FAM199X: variants seen among roughly 807,000 people sequenced by gnomAD.
The protein encoded by FAM199X is protein FAM199X.
In FAM199X, 4 loss-of-function variants were observed where a neutral mutation model predicts 22.9. The observed-to-expected ratio is 0.17, with a 90% CI of 0.09 to 0.40. The LOEUF is 0.40. FAM199X is among the 10% of genes least tolerant of loss of function. FAM199X has a pLI of 1.00. For missense variants in FAM199X, 183 were observed against 306.8 expected, an observed-to-expected ratio of 0.60 and a Z score of 3.01; for synonymous variants, 101 against 112.3, an observed-to-expected ratio of 0.90 and a Z score of 0.64.
rs1556380877 is a variant in FAM199X at position 104,193,343 on chromosome X, T to C, written c.*3565T>C. On this transcript the variant is annotated 3_prime_UTR_variant, in exon 6 of 6. Transcript: ENST00000493442. ...TAAAGTATGGCTTAATGTATTTTTT[T>C]CCCTCTGAAAAAGATCATATGCCAG... 8.9e-6 allele frequency: 1 copy of C among 111,904 alleles called. No homozygotes were observed. The highest frequency in any genetic ancestry group is 1.9e-5 in the Non-Finnish European group (1 of 52,973). 9.2% of individuals were successfully genotyped at this position (111,904 alleles called of 1,213,427 possible).
chrX:104,172,139 C>T (rs60636552), intron 1 of FAM199X, among the ~76,000 whole-genome samples: 7,269 of 108,802 alleles, frequency 0.067, 648 homozygotes, highest in African/African-American at 0.23. Flanking sequence ...CATTGGTTCA[C>T]ACCTGTAATC....
chrX:104,191,289 T>C lies in FAM199X; in HGVS notation c.*1511T>C, dbSNP rs958771551. Reference sequence around the variant, plus strand: ...ATGTGTTTTAAAATTTTGATTTCATTTTCGTTCCTTGAAGGTTAAAGAATG... The same window carrying C: ...ATGTGTTTTAAAATTTTGATTTCATCTTCGTTCCTTGAAGGTTAAAGAATG... On this transcript the variant is annotated 3_prime_UTR_variant, in exon 6 of 6. Transcript: ENST00000493442. 8.9e-6 allele frequency: 1 copy of C among 112,102 alleles called. No homozygotes were observed. 9.2% of individuals were successfully genotyped at this position (112,102 alleles called of 1,213,427 possible).
chrX:104,163,865 A>G (rs1556373137), upstream of FAM199X, among the ~76,000 whole-genome samples: 1 of 109,676 alleles, frequency 9.1e-6, no homozygotes, highest in African/African-American at 3.3e-5. Flanking sequence ...ATGGTGTTAC[A>G]CCATATTGGC....
At chrX:104,173,788 G>A (rs1921418139) in intron 1 of FAM199X, among the ~76,000 whole-genome samples, 1 of 111,307 alleles carries the variant, frequency 9.0e-6, no homozygotes, top group African/African-American at 3.3e-5. Context: ...TAGATTTCAA[G>A]ACCAAAAAAA....
In FAM199X at chrX:104,166,870, G is replaced by C; in HGVS notation, c.85G>C (p.Gly29Arg). ...CTTCCCACTCCTGGGACCTCCTCGC[G>C]GGGTGGGCACCTGCCCGAGCGAGGA... ...EPFPLLGPPR[G>R]VGTCPSEEPG... Residue 29 changes from glycine (G) to arginine (R), a missense_variant, in exon 1 of 6, where the codon GGG (glycine) becomes CGG (arginine). Gly to Arg is a moderately radical substitution (Grantham distance 125). This residue lies in a region of FAM199X where 55 missense variants were observed against 60.6 expected (regional missense o/e 0.91). Coordinates refer to ENST00000493442, the MANE Select transcript of FAM199X (RefSeq NM_207318.4). 8.3e-7 allele frequency: 1 copy of C among 1,206,367 alleles called. No individual in the cohort carries two copies. The highest frequency in any genetic ancestry group is 1.1e-6 in the Non-Finnish European group (1 of 892,398).
At chrX:104,173,480 C>T (rs1394247006) in intron 1 of FAM199X, among the ~76,000 whole-genome samples, 4 of 110,475 alleles carry the variant, frequency 3.6e-5, no homozygotes, top group Admixed American at 2.9e-4. Context: ...TCAGGTTGTC[C>T]AAATTTTGTA....
rs782507584 is a variant in FAM199X, at chrX:104,166,870, G to A, written c.85G>A (p.Gly29Arg). 1.4e-5 allele frequency: 17 copies of A among 1,206,367 alleles called. No individual in the cohort carries two copies. The highest frequency in any genetic ancestry group is 1.7e-5 in the Non-Finnish European group (15 of 892,398). Residue 29 changes from glycine to arginine, a missense_variant, in exon 1 of 6, where the codon GGG becomes AGG. Gly to Arg is a moderately radical substitution (Grantham distance 125). Coordinates refer to ENST00000493442, the MANE Select transcript of FAM199X (RefSeq NM_207318.4). ...EPFPLLGPPR[G>R]VGTCPSEEPG... ...CTTCCCACTCCTGGGACCTCCTCGC[G>A]GGGTGGGCACCTGCCCGAGCGAGGA... is the stretch of plus-strand genomic sequence containing the variant.
Position 104,192,823 on chromosome X carries a change from G to T in FAM199X, c.*3045G>T, listed in dbSNP as rs781866307. The T allele has an allele frequency of 9.0e-6, 1 of 111,196 alleles. No homozygotes were observed. The highest frequency in any genetic ancestry group is 1.9e-5 in the Non-Finnish European group (1 of 52,827). 9.2% of individuals were successfully genotyped at this position (111,196 alleles called of 1,213,427 possible). On this transcript the variant is annotated 3_prime_UTR_variant, in exon 6 of 6. Transcript: ENST00000493442. Reference sequence around the variant, plus strand: ...CTCAGAAACTGACCTATAAAATAATGACTCATTATAGATTGGGTGAACTTC... The same window carrying T: ...CTCAGAAACTGACCTATAAAATAATTACTCATTATAGATTGGGTGAACTTC...
At chrX:104,168,710 C>G (rs782654956) in intron 1 of FAM199X, among the ~76,000 whole-genome samples, 2 of 110,438 alleles carry the variant, frequency 1.8e-5, no homozygotes, top group Admixed American at 1.9e-4. Flanking sequence ...ATGTTTCTTA[C>G]AACTTGTTCT....
rs782612367 is a variant in FAM199X at position 104,189,798 on chromosome X, G to T, written c.*20G>T. 4.6e-5 allele frequency: 55 copies of T among 1,200,423 alleles called. No homozygotes were observed. The highest frequency in any genetic ancestry group is 6.2e-5 in the Non-Finnish European group (55 of 890,013). On this transcript the variant is annotated 3_prime_UTR_variant, in exon 6 of 6. Coordinates refer to ENST00000493442, the MANE Select transcript of FAM199X (RefSeq NM_207318.4). The stretch of plus-strand genomic sequence containing the variant: ...ATGTAATAAGGGTGAATTTATCAAC[G>T]TTCTTTGTGAGCATTAAAATACTCC...
chrX:104,167,086 C>T lies in FAM199X; in HGVS notation c.197+104C>T, dbSNP rs1401063994. On this transcript the variant is annotated intron_variant, in intron 1 of 5. Transcript: ENST00000493442. The stretch of plus-strand genomic sequence containing the variant: ...CGCTTCCAGTCGCCCCCTCCCCCAC[C>T]TGCTTTCGACCAGCGCTCATTCCCG... 13 of 722,663 alleles carry T rather than the reference C, an allele frequency of 1.8e-5. No individual in the cohort carries two copies. In the African/African-American group the frequency reaches 2.3e-4, roughly 13 times the overall value. The allele number at this position is 722,663 out of a possible 1,213,427, so 59.6% of individuals were successfully genotyped here. A position where few individuals can be genotyped will look rare whatever the true frequency, so the allele number is the denominator to read the frequency against.
rs143145039 is a variant in FAM199X, at chrX:104,168,420, C to T, written c.197+1438C>T. 5.7e-3 allele frequency among the ~76,000 whole-genome samples: 637 copies of T among 112,408 alleles called. 10 individuals carry two copies. Among genetic ancestry groups the T allele is most frequent in the African/African-American group, 0.019 (595 of 30,929 alleles). ...GTTTCCTAGACCAACTCACAGAAGC[C>T]TATTTAACCCCTGATGTCACTGTAA... On this transcript the variant is annotated intron_variant, in intron 1 of 5. Coordinates refer to ENST00000493442, the MANE Select transcript of FAM199X (RefSeq NM_207318.4).
rs1229747737 is a variant in FAM199X at position 104,194,914 on chromosome X, A to G, written c.*5136A>G. 1.8e-5 allele frequency: 2 copies of G among 110,363 alleles called. No individual in the cohort carries two copies. Among genetic ancestry groups the G allele is most frequent in the Admixed American group, 2.0e-4 (2 of 10,201 alleles). The allele number at this position is 110,363 out of a possible 1,213,427, so 9.1% of individuals were successfully genotyped here. A position where few individuals can be genotyped will look rare whatever the true frequency, so the allele number is the denominator to read the frequency against. On this transcript the variant is annotated 3_prime_UTR_variant, in exon 6 of 6. Coordinates refer to ENST00000493442, the MANE Select transcript of FAM199X (RefSeq NM_207318.4). ...TTTTTCCTGTATTACTGCTAAATAT[A>G]TTACTATATTAATGCACTTTTGTAT... is the stretch of plus-strand genomic sequence containing the variant.
chrX:104,169,666 C>T (rs1403806174), intron 1 of FAM199X, among the ~76,000 whole-genome samples: 5 of 111,596 alleles, frequency 4.5e-5, no homozygotes, highest in African/African-American at 1.3e-4. Context: ...CTCCTGGGTT[C>T]GAGCGATTCT....
intron 3 of FAM199X, 26 bp from the exon 4 acceptor site, chrX:104,186,434 C>A (rs782725442): frequency 5.8e-6 from 7 of 1,197,136 alleles, no homozygotes; most frequent in Non-Finnish European, 7.9e-6. Flanking sequence ...TAGCAATGAT[C>A]TTATTGTAAT....
the FAM199X span, among the ~76,000 whole-genome samples, chrX:104,160,436 T>G: frequency 1.8e-5 from 2 of 112,871 alleles, no homozygotes; most frequent in Non-Finnish European, 3.7e-5. Flanking sequence ...TCACAATTAT[T>G]TTGTGATAGA....
chrX:104,182,895 A>G (rs782182743), intron 2 of FAM199X, among the ~76,000 whole-genome samples: 1 of 111,473 alleles, frequency 9.0e-6, no homozygotes, highest in African/African-American at 3.3e-5. Flanking sequence ...GATTGATGAT[A>G]TTGACCACAT....
the FAM199X span, among the ~76,000 whole-genome samples, chrX:104,159,066 T>C: frequency 8.9e-6 from 1 of 112,248 alleles, no homozygotes. Context: ...ATTTTCTCCA[T>C]TATTTCTAGC....
At chrX:104,184,820 G>A (rs916813569) in intron 2 of FAM199X, among the ~76,000 whole-genome samples, 3 of 109,194 alleles carry the variant, frequency 2.7e-5, no homozygotes, top group South Asian at 3.8e-4. Context: ...TTACTCTGTC[G>A]TCCAGGCTGG....
Sources: allele counts gnomAD v4.1 joint callset (sites outside exome capture counted in the v4.1 genomes callset), GRCh38; gene constraint gnomAD v4.1.1; regional missense constraint gnomAD v4.1.1; transcripts MANE v1.5; gene names NCBI Gene and HGNC (gene_info 2026-07-23, HGNC 2026-07-21).